Variants in BMP1 observed in about 807,000 individuals in gnomAD.
BMP1 encodes the protein mammalian tolloid protein.
Under a neutral mutation model 116.8 loss-of-function variants are expected in BMP1, and 63 were observed. The ratio of observed to expected loss-of-function variants is 0.54; its 90% confidence interval spans 0.44 to 0.67. The LOEUF is 0.67. Among genes scored for constraint, BMP1 ranks in the 30% least tolerant of loss-of-function variants. The probability of loss-of-function intolerance (pLI) is 0.00; values close to 1 mark genes in which losing one functional copy is unlikely to be tolerated. For missense variants in BMP1, 1,183 were observed against 1,358.9 expected, an observed-to-expected ratio of 0.87 and a Z score of 2.04; for synonymous variants, 536 against 533.4, an observed-to-expected ratio of 1.00 and a Z score of -0.07.
At chr8:22,192,181 C>T (rs1423861311) in intron 9 of BMP1, 30 bp downstream of exon 9, 5 of 1,576,988 alleles carry the variant, frequency 3.2e-6, no homozygotes, top group Non-Finnish European at 4.4e-6. Flanking sequence ...CCTGCCCCCT[C>T]CATGCTGATT....
At chr8:22,199,142 C>G (rs761013626) in intron 15 of BMP1, 4 of 1,367,550 alleles carry the variant, frequency 2.9e-6, no homozygotes, top group African/African-American at 3.0e-5. Context: ...GACACACACG[C>G]CCACACGCAC....
intron 8 of BMP1, among the ~76,000 whole-genome samples, chr8:22,184,674 AC>A (rs1388218801): frequency 2.0e-5 from 3 of 152,118 alleles, no homozygotes. Context: ...TACATGCCGG[AC>A]CTCGCTATTC....
chr8:22,194,132 A>C lies in BMP1; in HGVS notation c.1255A>C (p.Ser419Arg). The C allele has an allele frequency of 6.2e-7, 1 of 1,614,074 alleles. No homozygotes were observed. ...DSRLWVEFRS[S>R]SNWVGKGFFA... ...CCGCCTCTGGGTTGAATTCCGCAGCAGCAGCAATTGGGTTGGAAAGGGCTT... is the reference window on the plus strand; with the variant it reads ...CCGCCTCTGGGTTGAATTCCGCAGCCGCAGCAATTGGGTTGGAAAGGGCTT... The change falls in exon 10 of 20, where the codon AGC becomes CGC. Residue 419 changes from serine to arginine, a missense_variant. Transcript: ENST00000306385. The surrounding 1 kb of genome is among the most constrained non-coding windows in gnomAD (Gnocchi z 4.5).
intron 16 of BMP1, 125 bp from the exon 17 acceptor site, chr8:22,206,729 C>G: frequency 5.0e-6 from 7 of 1,387,180 alleles, no homozygotes; most frequent in Non-Finnish European, 7.0e-6. Context: ...TGCCTGCCAT[C>G]CAGTTCATAA....
chr8:22,180,373 G>A lies in BMP1; in HGVS notation c.967G>A (p.Gly323Arg). ...ARKLYKCPACGETLQDSTGNF... is the reference protein window; with the variant it reads ...ARKLYKCPACRETLQDSTGNF... ...GTCATTTCCTTTCCTCACAGCCTGTGGAGAGACCCTGCAAGACAGCACAGG... is the reference window on the plus strand; with the variant it reads ...GTCATTTCCTTTCCTCACAGCCTGTAGAGAGACCCTGCAAGACAGCACAGG... The change falls in exon 8 of 20, where the codon GGA becomes AGA. Residue 323 changes from glycine (G) to arginine (R), a missense_variant. Physicochemically the swap from Gly to Arg is moderately radical, Grantham distance 125. Around this residue, in one of 4 missense-constraint regions of BMP1, gnomAD observed 956 missense variants for 1,135.2 expected, o/e 0.84. Transcript: ENST00000306385. 3 of 1,613,102 alleles carry A rather than the reference G, an allele frequency of 1.9e-6. No homozygotes were observed. Among genetic ancestry groups the A allele is most frequent in the Non-Finnish European group, 2.5e-6 (3 of 1,179,118 alleles).
chr8:22,194,888 C>T lies in BMP1; in HGVS notation c.1608C>T (p.Asn536=). The change falls in exon 12 of 20, where the codon AAC becomes AAT. Residue 536 remains asparagine, a synonymous_variant. Transcript: ENST00000306385. The surrounding 1 kb of genome is among the most constrained non-coding windows in gnomAD (Gnocchi z 4.5). ...AGTTCGTCTCTGACGGGTCCATTAA[C>T]AAAGCGGGCTTTGCCGTCAACTTTT... ...WLKFVSDGSI[N]KAGFAVNFFK... The T allele has an allele frequency of 6.2e-7, 1 of 1,611,552 alleles. No individual in the cohort carries two copies. The highest frequency in any genetic ancestry group is 8.5e-7 in the Non-Finnish European group (1 of 1,179,276).
Position 22,209,437 on chromosome 8 carries a change from C to A in BMP1, c.2576-8C>A, listed in dbSNP as rs937114345. 1.9e-6 allele frequency: 3 copies of A among 1,613,794 alleles called. No homozygotes were observed. Among genetic ancestry groups the A allele is most frequent in the Non-Finnish European group, 2.5e-6 (3 of 1,179,866 alleles). On this transcript the variant is annotated splice_region_variant and splice_polypyrimidine_tract_variant and intron_variant, in intron 18 of 19. Transcript: ENST00000306385. ...TCAGGGCTGGTTGGCCCCTCTTGTC[C>A]CCTACAGAGTGCGGGGGCCAGGTAC...
chr8:22,189,474 T>TTATATAA (rs879693186), intron 8 of BMP1, among the ~76,000 whole-genome samples: 6,728 of 145,304 alleles, frequency 0.046, 246 homozygotes, highest in Admixed American at 0.091. Context: ...ATCTTATATA[T>TTATATAA]TATATAATAT....
chr8:22,192,494 T>A (rs1336626186), intron 9 of BMP1, among the ~76,000 whole-genome samples: 1 of 152,186 alleles, frequency 6.6e-6, no homozygotes, highest in Admixed American at 6.5e-5. Context: ...CAGGCTCTCT[T>A]CCTCATCTGG....
At chr8:22,192,957 C>T (rs892418269) in intron 9 of BMP1, among the ~76,000 whole-genome samples, 2 of 152,292 alleles carry the variant, frequency 1.3e-5, no homozygotes, top group South Asian at 2.1e-4. Flanking sequence ...CCCCAGTTTC[C>T]GATATTTAAA....
Position 22,211,578 on chromosome 8 carries a change from C to G in BMP1, c.2827-16C>G. The G allele has an allele frequency of 6.2e-7, 1 of 1,614,152 alleles. No individual in the cohort carries two copies. The highest frequency in any genetic ancestry group is 8.5e-7 in the Non-Finnish European group (1 of 1,180,000). On this transcript the variant is annotated splice_polypyrimidine_tract_variant and intron_variant, in intron 19 of 19. Coordinates refer to ENST00000306385, the MANE Select transcript of BMP1 (RefSeq NM_006129.5). ...CCCCTCTTCCTCCACCTTACCCCAT[C>G]TCTTTTCTCTGCCAGCCTCCTGAGG...
At position 22,206,879 on chromosome 8, in the gene BMP1, C is replaced by T. The variant is rs1038527433; in HGVS notation, c.2259C>T (p.Ser753=). 11 of 1,614,058 alleles carry T rather than the reference C, an allele frequency of 6.8e-6. No individual in the cohort carries two copies. In the African/African-American group the frequency reaches 9.3e-5, roughly 14 times the overall value. ...CCGGCTGTGACCACAAGGTGACATCCACCAGTGGTACCATCACCAGCCCCA... is the reference window on the plus strand; with the variant it reads ...CCGGCTGTGACCACAAGGTGACATCTACCAGTGGTACCATCACCAGCCCCA... ...KEAGCDHKVT[S]TSGTITSPNW... The change falls in exon 17 of 20, where the codon TCC becomes TCT. Residue 753 remains serine (S), a synonymous_variant. Coordinates refer to ENST00000306385, the MANE Select transcript of BMP1 (RefSeq NM_006129.5).
At chr8:22,209,317 C>G (rs1375497299) in intron 18 of BMP1, 128 bp from the exon 19 acceptor site, 1 of 1,455,566 alleles carries the variant, frequency 6.9e-7, no homozygotes, top group African/African-American at 1.4e-5. Flanking sequence ...CCCCCACCCA[C>G]CCATCACTGG....
intron 8 of BMP1, among the ~76,000 whole-genome samples, chr8:22,183,200 G>A (rs1198022746): frequency 6.6e-6 from 1 of 152,208 alleles, no homozygotes; most frequent in Non-Finnish European, 1.5e-5. Flanking sequence ...AGGATCACTT[G>A]AGGCCAGGAG....
chr8:22,196,852 C>T lies in BMP1; in HGVS notation c.1926+12C>T. The T allele has an allele frequency of 6.2e-7, 1 of 1,606,890 alleles. No homozygotes were observed. Among genetic ancestry groups the T allele is most frequent in the Non-Finnish European group, 8.5e-7 (1 of 1,175,480 alleles). On this transcript the variant is annotated intron_variant, in intron 14 of 19. Coordinates refer to ENST00000306385, the MANE Select transcript of BMP1 (RefSeq NM_006129.5). Reference sequence around the variant, plus strand: ...CAGAGGGCAATGATGTAAGTGCCCACCAGGGGCTGAGGTGGGGCAGGAAGC... The same window carrying T: ...CAGAGGGCAATGATGTAAGTGCCCATCAGGGGCTGAGGTGGGGCAGGAAGC...
In BMP1 at chr8:22,201,834, C is replaced by G. The variant is rs1829270610; in HGVS notation, c.2139C>G (p.Gly713=). 1 of 1,613,696 alleles carries G rather than the reference C, an allele frequency of 6.2e-7. No individual in the cohort carries two copies. The change falls in exon 16 of 20, where the codon GGC becomes GGG. Residue 713 remains glycine (G), a synonymous_variant. Coordinates refer to ENST00000306385, the MANE Select transcript of BMP1 (RefSeq NM_006129.5). ...DKDECSKDNG[G]CQQDCVNTFG... is the part of the protein sequence containing the mutation. Reference sequence around the variant, plus strand: ...ACGAGTGCTCCAAGGATAACGGCGGCTGCCAGCAGGACTGCGTCAACACGT... The same window carrying G: ...ACGAGTGCTCCAAGGATAACGGCGGGTGCCAGCAGGACTGCGTCAACACGT...
intron 15 of BMP1, chr8:22,198,825 A>T: frequency 1.7e-6 from 1 of 598,240 alleles, no homozygotes; most frequent in Non-Finnish European, 2.3e-6. Context: ...TGGCCCGTTG[A>T]CCTCCTGCCC....
chr8:22,176,882 C>T (rs1464808041), intron 4 of BMP1, 79 bp from the exon 5 acceptor site: 2 of 1,316,914 alleles, frequency 1.5e-6, no homozygotes, highest in South Asian at 1.4e-5. Flanking sequence ...CGCCCCGCCC[C>T]CGGCAGCCTG....
chr8:22,199,374 T>G (rs754633887), intron 15 of BMP1: 1 of 1,301,944 alleles, frequency 7.7e-7, no homozygotes, highest in Non-Finnish European at 1.0e-6. Context: ...TCCGGGGCAT[T>G]TGGGCACTGT....
Sources: allele counts gnomAD v4.1 joint callset (sites outside exome capture counted in the v4.1 genomes callset), GRCh38; gene constraint gnomAD v4.1.1; regional missense constraint gnomAD v4.1.1; non-coding constraint Gnocchi (gnomAD v3.1); transcripts MANE v1.5; gene names NCBI Gene and HGNC (gene_info 2026-07-23, HGNC 2026-07-21).